The following ATP10B variants were observed in gnomAD, a reference collection of about 807,000 sequenced individuals.
The protein encoded by ATP10B is ATPase phospholipid transporting 10B (putative).
A neutral mutation model predicts 141.2 loss-of-function variants in ATP10B; 122 were observed. The ratio of observed to expected loss-of-function variants is 0.86; its 90% CI spans 0.75 to 1.00. The LOEUF (loss-of-function observed/expected upper bound fraction) is 1.00. Among genes scored for constraint, ATP10B ranks in the 50% least tolerant of loss-of-function variants. The pLI is 0.00. For missense variants in ATP10B, 1,876 were observed against 1,825.3 expected, an observed-to-expected ratio of 1.03 and a Z score of -0.51; for synonymous variants, 685 against 692.0, an observed-to-expected ratio of 0.99 and a Z score of 0.16.
At chr5:160,783,984 G>A (rs748539548) in intron 2 of ATP10B, among the ~76,000 whole-genome samples, 1 of 151,974 alleles carries the variant, frequency 6.6e-6, no homozygotes, top group South Asian at 2.1e-4. Context: ...TTATCATCGC[G>A]GCTCATCAGG....
At chr5:160,811,462 G>A (rs1581576719) in intron 1 of ATP10B, among the ~76,000 whole-genome samples, 1 of 152,130 alleles carries the variant, frequency 6.6e-6, no homozygotes, top group East Asian at 1.9e-4. Flanking sequence ...TTGGAAGGGT[G>A]ATTCCCAGAC....
At chr5:160,926,067 G>A in the ATP10B span, among the ~76,000 whole-genome samples, 1 of 152,298 alleles carries the variant, frequency 6.6e-6, no homozygotes, top group South Asian at 2.1e-4. Flanking sequence ...TCTAATCTGG[G>A]TTCTATCACT....
intron 13 of ATP10B, among the ~76,000 whole-genome samples, chr5:160,630,914 C>T (rs139481710): frequency 1.3e-5 from 2 of 152,284 alleles, no homozygotes; most frequent in Admixed American, 6.5e-5. Flanking sequence ...TCTTCTTTGT[C>T]ACAGTCAGAA....
chr5:160,805,074 T>C (rs56339382), intron 1 of ATP10B, among the ~76,000 whole-genome samples: 26,181 of 152,180 alleles, frequency 0.17, 2,497 homozygotes, highest in East Asian at 0.36. Flanking sequence ...TATTCAAGGG[T>C]CAACTAAATT....
chr5:160,929,178 A>T, the ATP10B span, among the ~76,000 whole-genome samples: 5 of 152,148 alleles, frequency 3.3e-5, no homozygotes, highest in African/African-American at 9.7e-5. Flanking sequence ...GAGAACTGAG[A>T]AGAAAAATCA....
chr5:160,629,881 A>T (rs139749948), intron 13 of ATP10B, among the ~76,000 whole-genome samples: 130 of 152,272 alleles, frequency 8.5e-4, no homozygotes, highest in African/African-American at 3.1e-3. Flanking sequence ...AGGTCAGCAA[A>T]ACATTATGTT....
chr5:160,615,687 G>T (rs1282359857), intron 17 of ATP10B, 151 bp downstream of exon 17: 2 of 897,434 alleles, frequency 2.2e-6, no homozygotes, highest in Non-Finnish European at 1.7e-6. Flanking sequence ...TTGGGTATTG[G>T]CATGGCCCAT....
chr5:160,880,726 C>G, the ATP10B span, among the ~76,000 whole-genome samples: 1 of 152,230 alleles, frequency 6.6e-6, no homozygotes, highest in South Asian at 2.1e-4. Flanking sequence ...GGTGCTGGAA[C>G]AACTGGACAT....
At chr5:160,819,973 C>T (rs1262077264) in intron 1 of ATP10B, among the ~76,000 whole-genome samples, 3 of 151,492 alleles carry the variant, frequency 2.0e-5, no homozygotes, top group Non-Finnish European at 4.4e-5. Context: ...ACCAAAGAAA[C>T]AAAAGCAGGA....
At chr5:160,656,280 T>C (rs1228546184) in intron 7 of ATP10B, among the ~76,000 whole-genome samples, 2 of 152,180 alleles carry the variant, frequency 1.3e-5, no homozygotes, top group East Asian at 1.9e-4. Context: ...GCCTTTCCTT[T>C]CTGGTTTATA....
At chr5:160,761,623 C>T (rs560878808) in intron 2 of ATP10B, among the ~76,000 whole-genome samples, 59 of 152,284 alleles carry the variant, frequency 3.9e-4, no homozygotes, top group Admixed American at 2.1e-3. Context: ...AAACGGTCTA[C>T]CCAAATGAGA....
chr5:160,843,542 A>G lies in ATP10B; in HGVS notation c.-576+8399T>C, dbSNP rs190189845. On this transcript the variant is annotated intron_variant, in intron 1 of 25. Transcript: ENST00000327245. ...AAGCTGTTAATGAGTGTTCCAATTCAAAGAGCACTTAAGCTTACCATGCAA... is the reference window on the plus strand; with the variant it reads ...AAGCTGTTAATGAGTGTTCCAATTCGAAGAGCACTTAAGCTTACCATGCAA... Among the ~76,000 whole-genome samples, 369 of 152,176 alleles carry G rather than the reference A, an allele frequency of 2.4e-3. 3 individuals carry two copies. The highest frequency in any genetic ancestry group is 8.5e-3 in the African/African-American group (351 of 41,536).
At chr5:160,848,778 G>T (rs1301500853) in intron 1 of ATP10B, among the ~76,000 whole-genome samples, 1 of 152,190 alleles carries the variant, frequency 6.6e-6, no homozygotes, top group Non-Finnish European at 1.5e-5. Flanking sequence ...ATGATGGAAA[G>T]AGAGTTGAGA....
At chr5:160,722,266 A>G (rs1362903206) in intron 2 of ATP10B, among the ~76,000 whole-genome samples, 1 of 152,228 alleles carries the variant, frequency 6.6e-6, no homozygotes, top group Non-Finnish European at 1.5e-5. Flanking sequence ...CTGGAATATC[A>G]TCTATACAAA....
chr5:160,747,505 T>C (rs1222647017), intron 2 of ATP10B, among the ~76,000 whole-genome samples: 2 of 152,164 alleles, frequency 1.3e-5, no homozygotes, highest in African/African-American at 4.8e-5. Context: ...GACTCTAATC[T>C]AAAATAATAT....
rs538995824 is a variant in ATP10B, at chr5:160,670,531, C to T, written c.607G>A (p.Glu203Lys). Residue 203 changes from glutamate to lysine, a missense_variant, in exon 7 of 26, where the codon GAA (glutamate) becomes AAA (lysine). By Grantham distance (56) the Glu-to-Lys change is moderately conservative. Coordinates refer to ENST00000327245, the MANE Select transcript of ATP10B (RefSeq NM_025153.3). ...GTCTCTCCATCCAAGCTGGCAGTTT[C>T]CAGATGGCATATCCCATTGGGGTCA... ...SSDPNGICHLETASLDGETNL... is the reference protein window; with the variant it reads ...SSDPNGICHLKTASLDGETNL... The T allele has an allele frequency of 6.2e-7, 1 of 1,614,014 alleles. No individual in the cohort carries two copies. The highest frequency in any genetic ancestry group is 1.3e-5 in the African/African-American group (1 of 74,990).
chr5:160,927,823 T>A, the ATP10B span, among the ~76,000 whole-genome samples: 1 of 152,180 alleles, frequency 6.6e-6, no homozygotes. Flanking sequence ...GTGATAGGCA[T>A]TATGAAAATA....
At chr5:160,654,119 C>CGTGT (rs146638394) in intron 7 of ATP10B, among the ~76,000 whole-genome samples, 2 of 137,452 alleles carry the variant, frequency 1.5e-5, no homozygotes, top group African/African-American at 5.9e-5. Flanking sequence ...TATATAAATA[C>CGTGT]GTGTGTGTGT....
the ATP10B span, among the ~76,000 whole-genome samples, chr5:160,859,404 C>A: frequency 1.3e-5 from 2 of 151,658 alleles, no homozygotes; most frequent in Admixed American, 1.3e-4. Flanking sequence ...CTTTGCCTTT[C>A]AGAAGTTTAA....
Sources: gnomAD v4.1 joint callset for allele counts (sites outside exome capture counted in the v4.1 genomes callset) on GRCh38, gnomAD v4.1.1 for gene constraint, MANE v1.5 for transcripts, NCBI Gene and HGNC (gene_info 2026-07-23, HGNC 2026-07-21) for gene names.